ZNF420: variants seen among roughly 807,000 people sequenced by gnomAD.
The protein encoded by ZNF420 is zinc finger protein 420.
ZNF420 carries 31 observed loss-of-function variants against 44.7 expected under a neutral mutation model. The ratio of observed to expected loss-of-function variants is 0.69; its 90% CI spans 0.52 to 0.94. The LOEUF is 0.94. Among genes scored for constraint, ZNF420 ranks in the 40% least tolerant of loss-of-function variants. The pLI is 0.00. For missense variants in ZNF420, 681 were observed against 827.9 expected, an observed-to-expected ratio of 0.82 and a Z score of 2.18; for synonymous variants, 245 against 267.4, an observed-to-expected ratio of 0.92 and a Z score of 0.82.
intron 1 of ZNF420, among the ~76,000 whole-genome samples, chr19:37,058,193 T>C (rs960902814): frequency 2.6e-5 from 4 of 152,098 alleles, no homozygotes; most frequent in Non-Finnish European, 4.4e-5. Context: ...ATTGTTTCTC[T>C]CTCCAAACCT....
intron 4 of ZNF420, among the ~76,000 whole-genome samples, chr19:37,122,258 A>G (rs1971089096): frequency 6.6e-6 from 1 of 152,244 alleles, no homozygotes; most frequent in African/African-American, 2.4e-5. Flanking sequence ...TGTGGCACAT[A>G]TATACCATGG....
At chr19:37,116,774 C>T (rs371270635) in intron 4 of ZNF420, among the ~76,000 whole-genome samples, 8 of 152,310 alleles carry the variant, frequency 5.3e-5, no homozygotes, top group South Asian at 2.1e-4. Flanking sequence ...GCTTTTCCAA[C>T]GGGCTTAAAA....
chr19:37,069,481 A>G (rs1198089397), intron 1 of ZNF420, among the ~76,000 whole-genome samples: 1 of 152,136 alleles, frequency 6.6e-6, no homozygotes, highest in Non-Finnish European at 1.5e-5. Context: ...AAATATCATT[A>G]AGTCAAAAAT....
intron 4 of ZNF420, among the ~76,000 whole-genome samples, chr19:37,122,274 T>C (rs1024665565): frequency 6.6e-6 from 1 of 152,168 alleles, no homozygotes; most frequent in Non-Finnish European, 1.5e-5. Context: ...CATGGAATAG[T>C]ATGCAGCCAT....
intron 1 of ZNF420, among the ~76,000 whole-genome samples, 157 bp from the exon 2 acceptor site, chr19:37,080,188 T>A (rs1219567947): frequency 6.6e-6 from 1 of 152,198 alleles, no homozygotes; most frequent in Admixed American, 6.5e-5. Context: ...GGCCCTTCTT[T>A]CTGATACAGA....
chr19:37,059,337 C>A (rs963518398), intron 1 of ZNF420, among the ~76,000 whole-genome samples: 4 of 152,228 alleles, frequency 2.6e-5, no homozygotes, highest in Admixed American at 1.3e-4. Flanking sequence ...AGCCTGACTT[C>A]TAGGAGCGGA....
At chr19:37,115,767 G>A (rs111292806) in intron 4 of ZNF420, among the ~76,000 whole-genome samples, 12 of 151,978 alleles carry the variant, frequency 7.9e-5, no homozygotes, top group African/African-American at 2.7e-4. Flanking sequence ...GCTGGGGGGC[G>A]GTCAGGTTTT....
At chr19:37,069,706 T>C (rs1200625573) in intron 1 of ZNF420, among the ~76,000 whole-genome samples, 1 of 152,138 alleles carries the variant, frequency 6.6e-6, no homozygotes, top group African/African-American at 2.4e-5. Flanking sequence ...TGAATCCATA[T>C]GGCTTTTACA....
At chr19:37,029,046 C>T (rs1180926165) in intron 1 of ZNF420, among the ~76,000 whole-genome samples, 3 of 152,134 alleles carry the variant, frequency 2.0e-5, no homozygotes, top group Non-Finnish European at 2.9e-5. Flanking sequence ...AATTGATTAT[C>T]GATGCAGCAA....
At chr19:37,032,068 C>T (rs538607596) in intron 1 of ZNF420, among the ~76,000 whole-genome samples, 2 of 151,942 alleles carry the variant, frequency 1.3e-5, no homozygotes, top group Non-Finnish European at 2.9e-5. Context: ...AAAATTAGAC[C>T]GTGCGGTGGC....
chr19:37,123,986 A>G (rs1165111675), intron 4 of ZNF420, among the ~76,000 whole-genome samples: 1 of 152,188 alleles, frequency 6.6e-6, no homozygotes, highest in Non-Finnish European at 1.5e-5. Context: ...GAAATCTGAT[A>G]TACCATTCAG....
At chr19:37,096,275 A>T in intron 4 of ZNF420, among the ~76,000 whole-genome samples, 1 of 150,914 alleles carries the variant, frequency 6.6e-6, no homozygotes, top group East Asian at 1.9e-4. Context: ...TTTATCTTAT[A>T]CTTTCATATA....
intron 1 of ZNF420, among the ~76,000 whole-genome samples, chr19:37,054,088 C>T (rs1378455613): frequency 1.3e-5 from 2 of 152,202 alleles, no homozygotes; most frequent in East Asian, 1.9e-4. Flanking sequence ...CTCGCCGCCC[C>T]CTTGCAGTTT....
chr19:37,040,380 G>A (rs1967432389), intron 1 of ZNF420, among the ~76,000 whole-genome samples: 1 of 152,108 alleles, frequency 6.6e-6, no homozygotes, highest in African/African-American at 2.4e-5. Flanking sequence ...TTGGCTTAAG[G>A]GAATGTCGTG....
In ZNF420 at chr19:37,127,689, T is replaced by G; in HGVS notation, c.698T>G (p.Ile233Ser). ...TGTGAAGAATGTGGGAAAGCCTTTA[T>G]TCGTAGCTCACAACTTACCCGACAT... ...YKCEECGKAF[I>S]RSSQLTRHQK... The change falls in exon 5 of 5, where the codon ATT becomes AGT. Residue 233 changes from isoleucine to serine, a missense_variant. By Grantham distance (142) the Ile-to-Ser change is moderately radical (BLOSUM62 -2). Transcript: ENST00000337995. 6.2e-7 allele frequency: 1 copy of G among 1,613,616 alleles called. No homozygotes were observed. The highest frequency in any genetic ancestry group is 8.5e-7 in the Non-Finnish European group (1 of 1,179,824).
intron 1 of ZNF420, among the ~76,000 whole-genome samples, chr19:37,027,736 A>C (rs1807631037): frequency 6.6e-6 from 1 of 152,174 alleles, no homozygotes; most frequent in Admixed American, 6.5e-5. Flanking sequence ...AGATTCCTCC[A>C]TGTCTTTCCA....
At chr19:37,087,648 TTTTG>T (rs1168272690) in intron 2 of ZNF420, among the ~76,000 whole-genome samples, 4 of 152,078 alleles carry the variant, frequency 2.6e-5, no homozygotes, top group Non-Finnish European at 4.4e-5. Flanking sequence ...CTTCTAGCTT[TTTTG>T]TTTGTTTGTT....
intron 1 of ZNF420, among the ~76,000 whole-genome samples, chr19:37,028,053 G>T (rs1334156859): frequency 6.6e-6 from 1 of 152,164 alleles, no homozygotes; most frequent in Non-Finnish European, 1.5e-5. Context: ...AGCAATCAAT[G>T]AGAGTTCCTG....
chr19:37,024,410 A>C (rs2074670154), intron 1 of ZNF420, among the ~76,000 whole-genome samples: 1 of 152,062 alleles, frequency 6.6e-6, no homozygotes, highest in South Asian at 2.1e-4. Context: ...AAATTGACTG[A>C]GACCCATCTC....
Sources: allele counts gnomAD v4.1 joint callset (sites outside exome capture counted in the v4.1 genomes callset), GRCh38; gene constraint gnomAD v4.1.1; transcripts MANE v1.5; gene names NCBI Gene and HGNC (gene_info 2026-07-23, HGNC 2026-07-21).